Variants in SOX6 observed in about 807,000 individuals in gnomAD.
The protein encoded by SOX6 is transcription factor SOX-6.
Under a neutral mutation model 97.8 loss-of-function variants are expected in SOX6, and 11 were observed. The observed-to-expected ratio is 0.11, with a 90% CI of 0.07 to 0.19. SOX6 has a LOEUF of 0.19. Among genes scored for constraint, SOX6 ranks in the 10% least tolerant of loss-of-function variants. The probability of loss-of-function intolerance (pLI) is 1.00; values close to 1 mark genes in which losing one functional copy is unlikely to be tolerated. For synonymous variants in SOX6, 360 were observed against 371.4 expected, an observed-to-expected ratio of 0.97 and a Z score of 0.35; for missense variants, 810 against 1,039.5, an observed-to-expected ratio of 0.78 and a Z score of 3.04.
At chr11:16,055,426 C>T (rs1382636998) in intron 10 of SOX6, among the ~76,000 whole-genome samples, 1 of 152,060 alleles carries the variant, frequency 6.6e-6, no homozygotes, top group Non-Finnish European at 1.5e-5. Context: ...AAGAGAAATG[C>T]CACAAGTCCA....
intron 3 of SOX6, among the ~76,000 whole-genome samples, chr11:16,292,570 C>T (rs1854948096): frequency 6.6e-6 from 1 of 152,116 alleles, no homozygotes; most frequent in African/African-American, 2.4e-5. Context: ...AATCTCTAAA[C>T]TGAAGAATGG....
At chr11:16,016,358 T>G (rs1854883023) in intron 12 of SOX6, among the ~76,000 whole-genome samples, 1 of 151,878 alleles carries the variant, frequency 6.6e-6, no homozygotes, top group Non-Finnish European at 1.5e-5. Flanking sequence ...TAAACCTTGC[T>G]TTAATCTACA....
rs552014063 is a variant in SOX6, at chr11:16,424,509, A to G, written c.-5+51806T>C. Among the ~76,000 whole-genome samples, 4 of 102,334 alleles carry G rather than the reference A, an allele frequency of 3.9e-5. No individual in the cohort carries two copies. The East Asian group carries it at 8.9e-4, about 23-fold the overall frequency. The allele number at this position is 102,334 out of a possible 152,430, so 67.1% of individuals were successfully genotyped here. On this transcript the variant is annotated intron_variant, in intron 1 of 15. Transcript: ENST00000396356. ...CTGAATCTCCAACACCATGCAAACT[A>G]AGAGAGGGAATCCTCTGTAGAGGGA...
At chr11:16,503,710 A>G (rs1330205127) in intron 4 of SOX6, among the ~76,000 whole-genome samples, 1 of 152,182 alleles carries the variant, frequency 6.6e-6, no homozygotes, top group Non-Finnish European at 1.5e-5. Flanking sequence ...ATGTCATTAT[A>G]TAATGATAAA....
At chr11:16,250,755 T>G (rs545888316) in intron 3 of SOX6, among the ~76,000 whole-genome samples, 3 of 151,952 alleles carry the variant, frequency 2.0e-5, no homozygotes, top group Admixed American at 6.6e-5. Flanking sequence ...CATAGCTGCC[T>G]CAATAGAATA....
chr11:16,394,933 GA>G (rs973965965), intron 1 of SOX6, among the ~76,000 whole-genome samples: 4 of 151,778 alleles, frequency 2.6e-5, no homozygotes, highest in Non-Finnish European at 4.4e-5. Flanking sequence ...CAAAAATGAA[GA>G]AAAGCTGTTA....
chr11:16,054,081 A>G (rs537696196), intron 10 of SOX6, among the ~76,000 whole-genome samples: 1 of 152,290 alleles, frequency 6.6e-6, no homozygotes, highest in South Asian at 2.1e-4. Context: ...TCAAGTGAGT[A>G]ATAAAATTCA....
At chr11:16,065,201 A>G (rs2953060) in intron 9 of SOX6, among the ~76,000 whole-genome samples, 78,945 of 151,878 alleles carry the variant, frequency 0.52, 20,751 homozygotes, top group Admixed American at 0.61. Flanking sequence ...GTAAAAATCA[A>G]TAGCATTTCT....
intron 9 of SOX6, among the ~76,000 whole-genome samples, chr11:16,081,870 T>C (rs913874578): frequency 5.3e-5 from 8 of 152,304 alleles, no homozygotes; most frequent in African/African-American, 1.9e-4. Context: ...TAAACACATA[T>C]GTCTCTTAAA....
At chr11:16,117,385 AC>A (rs34016546) in intron 6 of SOX6, among the ~76,000 whole-genome samples, 1 of 152,028 alleles carries the variant, frequency 6.6e-6, no homozygotes, top group Non-Finnish European at 1.5e-5. Context: ...AAACAAACAA[AC>A]AAAAAACAAG....
intron 1 of SOX6, among the ~76,000 whole-genome samples, chr11:16,443,610 GCA>G (rs1859552220): frequency 6.6e-6 from 1 of 152,006 alleles, no homozygotes; most frequent in Non-Finnish European, 1.5e-5. Context: ...GGGTACATGT[GCA>G]GGTTTTCCAC....
rs150486898 is a variant in SOX6, at chr11:16,220,397, A to G, written c.535+14185T>C. ...CTAAACTACCTGTTACAAGACGGGA[A>G]TGAAGCTGAATAGGCTAGTATTTAC... On this transcript the variant is annotated intron_variant, in intron 4 of 15. Coordinates refer to ENST00000683767, the MANE Select transcript of SOX6 (RefSeq NM_001367873.1). Among the ~76,000 whole-genome samples, 6 of 152,214 alleles carry G rather than the reference A, an allele frequency of 3.9e-5. No homozygotes were observed. The East Asian group carries it at 1.2e-3, about 29-fold the overall frequency.
intron 15 of SOX6, among the ~76,000 whole-genome samples, chr11:15,980,111 C>A (rs1238016778): frequency 6.6e-6 from 1 of 151,936 alleles, no homozygotes; most frequent in Non-Finnish European, 1.5e-5. Context: ...TGTAATGAGA[C>A]TAGCTGTATG....
intron 9 of SOX6, among the ~76,000 whole-genome samples, chr11:16,075,019 A>C (rs1187709091): frequency 1.3e-5 from 2 of 152,096 alleles, no homozygotes; most frequent in African/African-American, 4.8e-5. Context: ...AACAAAACAA[A>C]CAAACAAAAA....
chr11:16,113,761 T>C (rs1186645339), intron 6 of SOX6, among the ~76,000 whole-genome samples: 2 of 152,218 alleles, frequency 1.3e-5, no homozygotes, highest in Non-Finnish European at 2.9e-5. Flanking sequence ...TTATTTATTA[T>C]TTCTTTCATT....
At chr11:16,109,556 T>C (rs1849177217) in intron 7 of SOX6, among the ~76,000 whole-genome samples, 1 of 152,154 alleles carries the variant, frequency 6.6e-6, no homozygotes, top group Non-Finnish European at 1.5e-5. Flanking sequence ...AAAAAGAAGT[T>C]GTATTGTACT....
chr11:16,258,842 C>CAT (rs1853781397), intron 3 of SOX6, among the ~76,000 whole-genome samples: 1 of 151,326 alleles, frequency 6.6e-6, no homozygotes, highest in Admixed American at 6.6e-5. Context: ...CACACACACA[C>CAT]ACATATATAT....
At chr11:16,657,697 A>T (rs755732789) in intron 3 of SOX6, among the ~76,000 whole-genome samples, 1 of 152,190 alleles carries the variant, frequency 6.6e-6, no homozygotes, top group Non-Finnish European at 1.5e-5. Context: ...GTATAGTGGT[A>T]TCTCACTGTG....
At chr11:16,092,771 C>T (rs190622096) in intron 9 of SOX6, among the ~76,000 whole-genome samples, 31 of 150,900 alleles carry the variant, frequency 2.1e-4, no homozygotes, top group Non-Finnish European at 3.6e-4. Context: ...AAAAACAAAA[C>T]AAAACAAAAC....
Sources: allele counts gnomAD v4.1 joint callset (sites outside exome capture counted in the v4.1 genomes callset), GRCh38; gene constraint gnomAD v4.1.1; transcripts MANE v1.5; gene names NCBI Gene and HGNC (gene_info 2026-07-23, HGNC 2026-07-21).